SDC2: variants seen among roughly 807,000 people sequenced by gnomAD.
SDC2 encodes the protein syndecan-2.
SDC2 carries 13 observed loss-of-function variants against 22.2 expected under a neutral mutation model. The observed-to-expected ratio is 0.59, with a 90% CI of 0.38 to 0.93. The LOEUF is 0.93. Among genes scored for constraint, SDC2 ranks in the 40% least tolerant of loss-of-function variants. SDC2 has a pLI of 0.00. For missense variants in SDC2, 235 were observed against 246.8 expected, an observed-to-expected ratio of 0.95 and a Z score of 0.32; for synonymous variants, 94 against 92.8, an observed-to-expected ratio of 1.01 and a Z score of -0.07.
At chr8:96,575,388 G>A (rs1431325220) in intron 1 of SDC2, among the ~76,000 whole-genome samples, 1 of 150,356 alleles carries the variant, frequency 6.7e-6, no homozygotes, top group Non-Finnish European at 1.5e-5. Context: ...GGGGTAGGGT[G>A]GGGTGGTGGC....
chr8:96,523,761 A>C (rs1427516191), intron 1 of SDC2, among the ~76,000 whole-genome samples: 1 of 152,226 alleles, frequency 6.6e-6, no homozygotes, highest in Non-Finnish European at 1.5e-5. Context: ...TTGGTACAAG[A>C]ATCCATCCAA....
At chr8:96,574,195 T>C (rs1483321455) in intron 1 of SDC2, among the ~76,000 whole-genome samples, 1 of 152,056 alleles carries the variant, frequency 6.6e-6, no homozygotes. Context: ...CTAGGGGGTC[T>C]CGCAAGTCTC....
intron 1 of SDC2, among the ~76,000 whole-genome samples, 186 bp from the exon 2 acceptor site, chr8:96,593,294 G>A (rs138034984): frequency 6.6e-6 from 1 of 152,142 alleles, no homozygotes; most frequent in Non-Finnish European, 1.5e-5. Context: ...TTATTAGTCC[G>A]TGCTCACCTC....
At position 96,493,814 on chromosome 8, in the gene SDC2, G is replaced by A. The variant is rs879684126; in HGVS notation, c.-458G>A. The A allele has an allele frequency of 6.3e-6, 1 of 159,710 alleles. No homozygotes were observed. The highest frequency in any genetic ancestry group is 2.4e-5 in the African/African-American group (1 of 41,640). 9.9% of individuals were successfully genotyped at this position (159,710 alleles called of 1,614,324 possible). On this transcript the variant is annotated 5_prime_UTR_variant, in exon 1 of 5. Transcript: ENST00000302190. ...CCCCGCTTGGACGCGCTGCTCTCCA[G>A]ATACCCCCGGAGCTCCAGCCGCGCG...
At chr8:96,557,343 T>C (rs1814132416) in intron 1 of SDC2, among the ~76,000 whole-genome samples, 2 of 126,630 alleles carry the variant, frequency 1.6e-5, no homozygotes, top group Non-Finnish European at 3.6e-5. Context: ...TATTGCGGCA[T>C]TATTCACAAT....
chr8:96,511,623 G>A (rs1334834735), intron 1 of SDC2, among the ~76,000 whole-genome samples: 2 of 152,104 alleles, frequency 1.3e-5, no homozygotes, highest in Admixed American at 1.3e-4. Context: ...GCAAGGCTCC[G>A]AAAGCTGTGA....
chr8:96,548,952 C>T (rs777214838), intron 1 of SDC2, among the ~76,000 whole-genome samples: 2 of 152,144 alleles, frequency 1.3e-5, no homozygotes, highest in African/African-American at 4.8e-5. Context: ...ACAGGGTACA[C>T]GTGGAGTAGA....
At position 96,579,734 on chromosome 8, in the gene SDC2, T is replaced by C. The variant is rs144510297; in HGVS notation, c.61-13746T>C. 6.0e-3 allele frequency among the ~76,000 whole-genome samples: 909 copies of C among 152,356 alleles called. 9 individuals carry two copies. Among genetic ancestry groups the C allele is most frequent in the African/African-American group, 0.021 (870 of 41,586 alleles). On this transcript the variant is annotated intron_variant, in intron 1 of 4. Coordinates refer to ENST00000302190, the MANE Select transcript of SDC2 (RefSeq NM_002998.4). ...AGTTTTAATCAGTATTTAACAATTA[T>C]TGAATTTGTTCAACTGGCATTTGTT...
chr8:96,605,467 A>C (rs1815061747), intron 3 of SDC2, among the ~76,000 whole-genome samples: 1 of 152,226 alleles, frequency 6.6e-6, no homozygotes, highest in Non-Finnish European at 1.5e-5. Flanking sequence ...CATGAGAAGA[A>C]TAGAAAAATC....
chr8:96,566,129 G>A (rs1191538821), intron 1 of SDC2, among the ~76,000 whole-genome samples: 1 of 152,178 alleles, frequency 6.6e-6, no homozygotes, highest in Non-Finnish European at 1.5e-5. Flanking sequence ...TGTCATAGAT[G>A]TAAAGCAGCA....
intron 1 of SDC2, among the ~76,000 whole-genome samples, chr8:96,575,678 C>A (rs988097007): frequency 4.6e-5 from 7 of 152,100 alleles, no homozygotes; most frequent in Non-Finnish European, 5.9e-5. Context: ...CACTTCCCCC[C>A]ACTCACTTGT....
intron 1 of SDC2, among the ~76,000 whole-genome samples, chr8:96,495,343 G>T (rs749123684): frequency 3.3e-5 from 5 of 152,208 alleles, no homozygotes; most frequent in Non-Finnish European, 5.9e-5. Context: ...CGCGCTTCGG[G>T]GGCTGGAGCT....
chr8:96,602,593 T>TTGTGTACAGTCAGTA, intron 3 of SDC2, 65 bp downstream of exon 3: 3 of 1,533,642 alleles, frequency 2.0e-6, no homozygotes, highest in South Asian at 1.2e-5. Context: ...TTACTGACTG[T>TTGTGTACAGTCAGTA]ACACAACAGT....
At chr8:96,515,524 C>T (rs1813388974) in intron 1 of SDC2, among the ~76,000 whole-genome samples, 1 of 152,110 alleles carries the variant, frequency 6.6e-6, no homozygotes, top group Non-Finnish European at 1.5e-5. Flanking sequence ...TAAAGTTCCA[C>T]TGTAGAGGGA....
chr8:96,585,517 T>C (rs1485388141), intron 1 of SDC2, among the ~76,000 whole-genome samples: 1 of 152,082 alleles, frequency 6.6e-6, no homozygotes, highest in Non-Finnish European at 1.5e-5. Flanking sequence ...AAGCTTTAGA[T>C]TGAAGAGAAA....
At chr8:96,525,171 T>A (rs1563648553) in intron 1 of SDC2, among the ~76,000 whole-genome samples, 1 of 152,232 alleles carries the variant, frequency 6.6e-6, no homozygotes, top group African/African-American at 2.4e-5. Flanking sequence ...TGTTCAAGGC[T>A]GTCCGTTCCC....
intron 1 of SDC2, among the ~76,000 whole-genome samples, chr8:96,508,243 C>T (rs1813273344): frequency 6.6e-6 from 1 of 151,374 alleles, no homozygotes; most frequent in African/African-American, 2.4e-5. Flanking sequence ...TTGCAGTGAG[C>T]AGAGATCGCG....
At chr8:96,604,536 G>A (rs1348210461) in intron 3 of SDC2, among the ~76,000 whole-genome samples, 1 of 152,070 alleles carries the variant, frequency 6.6e-6, no homozygotes, top group African/African-American at 2.4e-5. Flanking sequence ...TTTTCATTTT[G>A]CTGTTTATGT....
intron 1 of SDC2, among the ~76,000 whole-genome samples, chr8:96,571,729 A>AACT (rs1274448856): frequency 6.6e-6 from 1 of 152,226 alleles, no homozygotes; most frequent in African/African-American, 2.4e-5. Context: ...AAGGAAACCC[A>AACT]GCTGCTCACA....
Sources: gnomAD v4.1 joint callset for allele counts (sites outside exome capture counted in the v4.1 genomes callset) on GRCh38, gnomAD v4.1.1 for gene constraint, MANE v1.5 for transcripts, NCBI Gene and HGNC (gene_info 2026-07-23, HGNC 2026-07-21) for gene names.